MFSD8: variants seen among roughly 807,000 people sequenced by gnomAD.
MFSD8 encodes major facilitator superfamily domain-containing protein 8.
A neutral mutation model predicts 66.4 loss-of-function variants in MFSD8; 55 were observed. The ratio of observed to expected loss-of-function variants is 0.83; its 90% CI spans 0.67 to 1.04. MFSD8 has a LOEUF of 1.04. Among genes scored for constraint, MFSD8 ranks in the 50% least tolerant of loss-of-function variants. MFSD8 has a pLI of 0.00. For synonymous variants in MFSD8, 202 were observed against 212.8 expected, an observed-to-expected ratio of 0.95 and a Z score of 0.44; for missense variants, 550 against 627.6, an observed-to-expected ratio of 0.88 and a Z score of 1.32.
chr4:127,958,530 T>G (rs979571251), intron 1 of MFSD8, among the ~76,000 whole-genome samples: 26 of 152,162 alleles, frequency 1.7e-4, no homozygotes, highest in Non-Finnish European at 3.1e-4. Context: ...TGTTTTTAGA[T>G]GTATTATATG....
chr4:127,938,745 T>C (rs1164392199), intron 7 of MFSD8, 38 bp downstream of exon 7: 3 of 1,526,416 alleles, frequency 2.0e-6, no homozygotes, highest in East Asian at 2.3e-5. Flanking sequence ...AACACTTTGA[T>C]AATGTTATAT....
chr4:127,939,022 T>C (rs1739629177), intron 6 of MFSD8, 184 bp from the exon 7 acceptor site: 2 of 445,240 alleles, frequency 4.5e-6, no homozygotes, highest in African/African-American at 2.0e-5. Context: ...ACAATTCTTA[T>C]CAAATTATCA....
intron 3 of MFSD8, chr4:127,945,321 A>G (rs1474043288): frequency 6.6e-6 from 1 of 151,820 alleles, no homozygotes; most frequent in Non-Finnish European, 1.5e-5. Context: ...TATTTTATTT[A>G]TTTATTTACT....
At chr4:127,965,310 C>T (rs1335540248), upstream of MFSD8, 3 of 749,352 alleles carry the variant, frequency 4.0e-6, no homozygotes, top group Non-Finnish European at 6.8e-6. Context: ...CCGGGCAGCG[C>T]AGGGCGAAAG....
intron 1 of MFSD8, among the ~76,000 whole-genome samples, chr4:127,964,417 C>G (rs1003944062): frequency 6.6e-6 from 1 of 152,226 alleles, no homozygotes; most frequent in Non-Finnish European, 1.5e-5. Flanking sequence ...AGAAATCGAG[C>G]GCAGCGCCAG....
At chr4:127,932,111 A>T (rs114279594) in intron 8 of MFSD8, among the ~76,000 whole-genome samples, 4,093 of 152,286 alleles carry the variant, frequency 0.027, 162 homozygotes, top group African/African-American at 0.093. Flanking sequence ...ACCCTGTCTC[A>T]AAACAAAACA....
chr4:127,934,726 T>C (rs1007892401), intron 7 of MFSD8: 3 of 151,828 alleles, frequency 2.0e-5, no homozygotes, highest in African/African-American at 7.3e-5. Flanking sequence ...ACTACAGCTA[T>C]TTTTGTATTT....
chr4:127,921,118 CT>C (rs1301338623), intron 11 of MFSD8: 2 of 556,802 alleles, frequency 3.6e-6, no homozygotes, highest in Middle Eastern at 4.8e-4. Flanking sequence ...TATTTTGTAC[CT>C]GCTACATGCC....
At chr4:127,942,696 T>C (rs1740400717) in intron 4 of MFSD8, among the ~76,000 whole-genome samples, 1 of 151,750 alleles carries the variant, frequency 6.6e-6, no homozygotes, top group Admixed American at 6.6e-5. Context: ...TCAAACTTAC[T>C]TAGTACTAAA....
intron 3 of MFSD8, among the ~76,000 whole-genome samples, chr4:127,947,778 T>C (rs1201796367): frequency 7.4e-5 from 10 of 135,676 alleles, no homozygotes; most frequent in Non-Finnish European, 1.7e-4. Flanking sequence ...CCAAGTACCA[T>C]GGATTTATCT....
upstream of MFSD8, chr4:127,965,199 T>A (rs1744869332): frequency 3.8e-6 from 6 of 1,597,360 alleles, no homozygotes; most frequent in Admixed American, 1.7e-5. Flanking sequence ...CCATCCCGGG[T>A]GGCGTGAAGC....
intron 2 of MFSD8, among the ~76,000 whole-genome samples, chr4:127,954,935 A>G (rs772085792): frequency 6.6e-6 from 1 of 152,182 alleles, no homozygotes; most frequent in African/African-American, 2.4e-5. Context: ...ACAAGATACC[A>G]TCTCATCCAC....
intron 9 of MFSD8, 43 bp from the exon 10 acceptor site, chr4:127,922,006 A>G (rs752925695): frequency 1.4e-6 from 2 of 1,478,014 alleles, no homozygotes; most frequent in Non-Finnish European, 1.9e-6. Context: ...ATGAAACATT[A>G]TAACATAGCT....
chr4:127,933,879 A>C (rs1738582767), intron 7 of MFSD8, among the ~76,000 whole-genome samples: 1 of 152,188 alleles, frequency 6.6e-6, no homozygotes, highest in Non-Finnish European at 1.5e-5. Flanking sequence ...ATATATTTTG[A>C]ATTTCAGTGT....
At chr4:127,940,933 T>A (rs1035160128) in intron 5 of MFSD8, among the ~76,000 whole-genome samples, 2 of 152,186 alleles carry the variant, frequency 1.3e-5, no homozygotes, top group African/African-American at 4.8e-5. Flanking sequence ...GAGGGCTTAT[T>A]ATTGGAAAAG....
chr4:127,938,782 C>A lies in MFSD8; in HGVS notation c.754+1G>T, dbSNP rs868732642. 7 of 1,606,360 alleles carry A rather than the reference C, an allele frequency of 4.4e-6. No individual in the cohort carries two copies. The highest frequency in any genetic ancestry group is 2.2e-5 in the South Asian group (2 of 90,606). ...AATTCAGCCAAATGGGTTAAAAGTA[C>A]CTTCTTCAAAATTAATACTTTTACA... On this transcript the variant is annotated splice_donor_variant, in intron 7 of 11. Coordinates refer to ENST00000641686, the MANE Select transcript of MFSD8 (RefSeq NM_001371596.2). LOFTEE classifies it high-confidence loss of function.
At chr4:127,945,783 G>A (rs1333458367) in intron 3 of MFSD8, among the ~76,000 whole-genome samples, 1 of 151,730 alleles carries the variant, frequency 6.6e-6, no homozygotes, top group Admixed American at 6.6e-5. Context: ...TTTTCTTCCT[G>A]TATTACCTTT....
chr4:127,964,279 G>T (rs1488406257), intron 1 of MFSD8, among the ~76,000 whole-genome samples: 1 of 152,250 alleles, frequency 6.6e-6, no homozygotes, highest in African/African-American at 2.4e-5. Flanking sequence ...AGGCACCGTG[G>T]AGTAGGGAGC....
intron 5 of MFSD8, among the ~76,000 whole-genome samples, chr4:127,941,035 A>G (rs1740103250): frequency 6.6e-6 from 1 of 152,200 alleles, no homozygotes; most frequent in Non-Finnish European, 1.5e-5. Flanking sequence ...GTGGTAAAAA[A>G]TATTTACTAA....
Sources: gnomAD v4.1 joint callset for allele counts (sites outside exome capture counted in the v4.1 genomes callset) on GRCh38, gnomAD v4.1.1 for gene constraint, MANE v1.5 for transcripts, NCBI Gene and HGNC (gene_info 2026-07-23, HGNC 2026-07-21) for gene names.